LRP2: variants seen among roughly 807,000 people sequenced by gnomAD.
LRP2 encodes LDL receptor related protein 2.
A neutral mutation model predicts 531.0 loss-of-function variants in LRP2; 172 were observed. The ratio of observed to expected loss-of-function variants is 0.32; its 90% confidence interval spans 0.29 to 0.37. LRP2 has a LOEUF of 0.37. Ranked by LOEUF, LRP2 falls within the 10% of genes least tolerant of loss-of-function variation. The pLI, the probability that LRP2 is intolerant of heterozygous loss-of-function variation, is 1.00. For synonymous variants in LRP2, 1,992 were observed against 2,027.6 expected (o/e 0.98, Z 0.47); for missense variants, 5,167 against 5,868.3 (o/e 0.88, Z 3.90).
intron 48 of LRP2, among the ~76,000 whole-genome samples, chr2:169,191,006 T>C (rs1000073486): frequency 6.6e-6 from 1 of 152,196 alleles, no homozygotes; most frequent in South Asian, 2.1e-4. Context: ...CAATGGAACA[T>C]TGCAGGAGAG....
rs186716592 is a variant in LRP2 at position 169,320,442 on chromosome 2, C to G, written c.187+335G>C. On this transcript the variant is annotated intron_variant, in intron 2 of 78. Transcript: ENST00000649046. ...TTTTTTGTTTGTTCTTGTGGGTACACAAAATTTACAGAGTGAATATTAGAA... is the reference window on the plus strand; with the variant it reads ...TTTTTTGTTTGTTCTTGTGGGTACAGAAAATTTACAGAGTGAATATTAGAA... Among the ~76,000 whole-genome samples the G allele has an allele frequency of 2.2e-3, 340 of 152,190 alleles. 1 individual carries two copies. The highest frequency in any genetic ancestry group is 7.8e-3 in the African/African-American group (324 of 41,526).
At chr2:169,299,139 G>GAA (rs10659916) in intron 4 of LRP2, among the ~76,000 whole-genome samples, 1 of 57,194 alleles carries the variant, frequency 1.7e-5, no homozygotes, top group African/African-American at 6.1e-5. Context: ...AAGAAAGAAA[G>GAA]AAAGAAAGAA....
intron 61 of LRP2, among the ~76,000 whole-genome samples, chr2:169,167,777 A>C (rs11896574): frequency 1.3e-5 from 2 of 151,414 alleles, no homozygotes; most frequent in East Asian, 3.9e-4. Flanking sequence ...CATGTAGCAA[A>C]ATGACTGCAA....
At chr2:169,256,009 T>C in intron 19 of LRP2, 97 bp downstream of exon 19, 1 of 1,360,716 alleles carries the variant, frequency 7.3e-7, no homozygotes, top group Non-Finnish European at 1.0e-6. Flanking sequence ...AGTGGCCAGC[T>C]TTTCTGGGAT....
In LRP2 at chr2:169,128,627, G is replaced by T. The variant is rs752733295; in HGVS notation, c.*36C>A. The T allele has an allele frequency of 4.4e-6, 7 of 1,587,884 alleles. 1 individual carries two copies. In the African/African-American group the frequency reaches 5.4e-5, roughly 12 times the overall value. On this transcript the variant is annotated 3_prime_UTR_variant, in exon 79 of 79. Transcript: ENST00000649046. ...GTTTGTAAAAAATATATGTGCAAAA[G>T]TGTGTTTCTAATTATTCCCTAAATA...
chr2:169,154,561 C>T lies in LRP2; in HGVS notation c.12194G>A (p.Arg4065Gln), dbSNP rs941242917. The T allele has an allele frequency of 1.1e-5, 17 of 1,613,300 alleles. No homozygotes were observed. Among genetic ancestry groups the T allele is most frequent in the African/African-American group, 4.0e-5 (3 of 74,852 alleles). Reference protein sequence around the residue: ...LLLLPDNVRIRKYNLSSERFS... With the variant: ...LLLLPDNVRIQKYNLSSERFS... ...CCTCTCAGATGAGAGATTATATTTTCGAATTCGGACATTGTCAGGCAGTAG... is the reference window on the plus strand; with the variant it reads ...CCTCTCAGATGAGAGATTATATTTTTGAATTCGGACATTGTCAGGCAGTAG... The change falls in exon 66 of 79, where the codon CGA (arginine) becomes CAA (glutamine). Residue 4065 changes from arginine to glutamine, a missense_variant. By Grantham distance (43) the Arg-to-Gln change is conservative (BLOSUM62 1). Coordinates refer to ENST00000649046, the MANE Select transcript of LRP2 (RefSeq NM_004525.3).
intron 48 of LRP2, among the ~76,000 whole-genome samples, 169 bp downstream of exon 48, chr2:169,191,663 T>C (rs1181138266): frequency 6.6e-6 from 1 of 152,144 alleles, no homozygotes; most frequent in Admixed American, 6.5e-5. Context: ...TTCTTTGATG[T>C]AAAAGTTTTT....
In LRP2 at chr2:169,145,805, T is replaced by G. The variant is rs372937007; in HGVS notation, c.12930A>C (p.Val4310=). 21 of 1,614,080 alleles carry G rather than the reference T, an allele frequency of 1.3e-5. No individual in the cohort carries two copies. The highest frequency in any genetic ancestry group is 1.1e-5 in the Non-Finnish European group (13 of 1,180,018). ...GAACTTGAGTGAGCCAAGGGTTCACTACCAGCGTTTTCTCTTTCTTTCCTT... is the reference window on the plus strand; with the variant it reads ...GAACTTGAGTGAGCCAAGGGTTCACGACCAGCGTTTTCTCTTTCTTTCCTT... ...FGQGKKEKTL[V]VNPWLTQVRI... is the part of the protein sequence containing the mutation. The change falls in exon 70 of 79, where the codon GTA becomes GTC. Residue 4310 remains valine (V), a synonymous_variant. Coordinates refer to ENST00000649046, the MANE Select transcript of LRP2 (RefSeq NM_004525.3).
At chr2:169,142,409 C>T (rs1377114918) in intron 71 of LRP2, among the ~76,000 whole-genome samples, 2 of 152,152 alleles carry the variant, frequency 1.3e-5, no homozygotes, top group Non-Finnish European at 2.9e-5. Flanking sequence ...AATGTCTTTA[C>T]AAAACAACAC....
At position 169,273,367 on chromosome 2, in the gene LRP2, G is replaced by C. The variant is rs10490129; in HGVS notation, c.1976-300C>G. Among the ~76,000 whole-genome samples the C allele has an allele frequency of 0.19, 29,253 of 152,020 alleles. 3,571 individuals carry two copies. Among genetic ancestry groups the C allele is most frequent in the East Asian group, 0.36 (1,855 of 5,132 alleles). ...GTATGTCTGCTATCCTCCATGATTA[G>C]AAATAATTGTCAAAAGAAAACCCAC... On this transcript the variant is annotated intron_variant, in intron 14 of 78. Transcript: ENST00000649046.
In LRP2 at chr2:169,289,065, C is replaced by T. The variant is rs746386250; in HGVS notation, c.1003G>A (p.Gly335Ser). 1 of 1,613,966 alleles carries T rather than the reference C, an allele frequency of 6.2e-7. No individual in the cohort carries two copies. The highest frequency in any genetic ancestry group is 8.5e-7 in the Non-Finnish European group (1 of 1,179,996). The change falls in exon 9 of 79, where the codon GGT (glycine) becomes AGT (serine). Residue 335 changes from glycine to serine, a missense_variant. Gly to Ser is a moderately conservative substitution (Grantham distance 56). This residue lies in a region of LRP2 where 2,811 missense variants were observed against 3,058.0 expected (regional missense o/e 0.92). Coordinates refer to ENST00000649046, the MANE Select transcript of LRP2 (RefSeq NM_004525.3). ...CTGTCATTGTGGTTGATGATATAAC[C>T]TGGGGGACAAAAACACGCTCCTCCA... Reference protein sequence around the residue: ...PYGGACFCPPGYIINHNDSRT... With the variant: ...PYGGACFCPPSYIINHNDSRT...
In LRP2 at chr2:169,176,462, T is replaced by C. The variant is rs753677205; in HGVS notation, c.10520A>G (p.Tyr3507Cys). The C allele has an allele frequency of 1.2e-6, 2 of 1,614,174 alleles. No individual in the cohort carries two copies. Among genetic ancestry groups the C allele is most frequent in the East Asian group, 2.2e-5 (1 of 44,884 alleles). The change falls in exon 54 of 79, where the codon TAC (tyrosine) becomes TGC (cysteine). Residue 3507 changes from tyrosine (Y) to cysteine (C), a missense_variant. Coordinates refer to ENST00000649046, the MANE Select transcript of LRP2 (RefSeq NM_004525.3). ...FRTLQLSGSTYCMPMCSSTQF... is the reference protein window; with the variant it reads ...FRTLQLSGSTCCMPMCSSTQF... The stretch of plus-strand genomic sequence containing the variant: ...GGTGCTGGAGCACATGGGCATGCAG[T>C]AGGTGCTGCCACTCAGCTGAAGGGT...
chr2:169,296,373 C>T (rs1490659492), intron 4 of LRP2, among the ~76,000 whole-genome samples: 1 of 151,914 alleles, frequency 6.6e-6, no homozygotes. Flanking sequence ...AGAGTTATTG[C>T]GTCTTTCCTC....
chr2:169,244,759 T>C lies in LRP2; in HGVS notation c.3364A>G (p.Ile1122Val), dbSNP rs149853330. 918 of 1,614,216 alleles carry C rather than the reference T, an allele frequency of 5.7e-4. No individual in the cohort carries two copies. The highest frequency in any genetic ancestry group is 7.5e-4 in the Admixed American group (45 of 60,026). ...GTGTCACAGACCCAGTTCTTTGAGA[T>C]ACACTGGTGATTATCACAGGTGTAT... Reference protein sequence around the residue: ...TQYTCDNHQCISKNWVCDTDN... With the variant: ...TQYTCDNHQCVSKNWVCDTDN... The change falls in exon 22 of 79, where the codon ATC becomes GTC. Residue 1122 changes from isoleucine to valine, a missense_variant. By Grantham distance (29) the Ile-to-Val change is conservative (BLOSUM62 3). Coordinates refer to ENST00000649046, the MANE Select transcript of LRP2 (RefSeq NM_004525.3).
chr2:169,347,866 A>G (rs1685736706), intron 1 of LRP2, among the ~76,000 whole-genome samples: 1 of 152,226 alleles, frequency 6.6e-6, no homozygotes. Flanking sequence ...TAGCAAAAAA[A>G]TGTCCAAAAG....
intron 19 of LRP2, among the ~76,000 whole-genome samples, chr2:169,248,834 G>A (rs1289079478): frequency 7.9e-6 from 1 of 126,914 alleles, no homozygotes; most frequent in Admixed American, 8.1e-5. Flanking sequence ...AAGCGCAAGG[G>A]GTCAGGGAGT....
chr2:169,240,969 C>T lies in LRP2; in HGVS notation c.4045+19G>A. 3.1e-6 allele frequency: 5 copies of T among 1,609,074 alleles called. No individual in the cohort carries two copies. Among genetic ancestry groups the T allele is most frequent in the Non-Finnish European group, 4.2e-6 (5 of 1,180,006 alleles). On this transcript the variant is annotated intron_variant, in intron 25 of 78. Transcript: ENST00000649046. ...TCAGAATGAGTTTATGGCCAGTAAA[C>T]TGTGGTCAGGAAACTTACTGCAAAG...
chr2:169,243,333 G>C, intron 23 of LRP2, 70 bp downstream of exon 23: 1 of 1,576,410 alleles, frequency 6.3e-7, no homozygotes, highest in East Asian at 2.2e-5. Flanking sequence ...TCCCCTCCCT[G>C]TGTCCATGTG....
intron 30 of LRP2, among the ~76,000 whole-genome samples, chr2:169,233,098 C>G (rs909087958): frequency 2.6e-5 from 4 of 152,150 alleles, no homozygotes; most frequent in Non-Finnish European, 5.9e-5. Flanking sequence ...GGATCGAAGG[C>G]ACTATCTGGT....
Sources: allele counts gnomAD v4.1 joint callset (sites outside exome capture counted in the v4.1 genomes callset), GRCh38; gene constraint gnomAD v4.1.1; regional missense constraint gnomAD v4.1.1; transcripts MANE v1.5; gene names NCBI Gene and HGNC (gene_info 2026-07-23, HGNC 2026-07-21).